Variants in DOCK1 observed in about 807,000 individuals in gnomAD.
The protein encoded by DOCK1 is dedicator of cytokinesis protein 1.
DOCK1 carries 138 observed loss-of-function variants against 262.7 expected under a neutral mutation model. The observed-to-expected ratio is 0.53, with a 90% confidence interval of 0.46 to 0.61. The LOEUF is 0.61. Ranked by LOEUF, DOCK1 falls within the 20% of genes least tolerant of loss-of-function variation. DOCK1 has a pLI of 0.00. For synonymous variants in DOCK1, 866 were observed against 867.4 expected, an observed-to-expected ratio of 1.00 and a Z score of 0.03; for missense variants, 1,908 against 2,370.7, an observed-to-expected ratio of 0.80 and a Z score of 4.05.
intron 19 of DOCK1, among the ~76,000 whole-genome samples, chr10:127,040,677 A>T (rs2043958593): frequency 6.6e-6 from 1 of 152,174 alleles, no homozygotes; most frequent in Admixed American, 6.5e-5. Context: ...GTCCAGGAGG[A>T]ATCTGAACCA....
chr10:126,960,745 T>TATATATATATATATATATATACACAC (rs1429186588), intron 1 of DOCK1, among the ~76,000 whole-genome samples: 1 of 115,500 alleles, frequency 8.7e-6, no homozygotes. Context: ...TATATATATA[T>TATATATATATATATATATATACACAC]ACACACACAC....
At chr10:127,076,760 C>T (rs1372739039) in intron 23 of DOCK1, among the ~76,000 whole-genome samples, 1 of 152,190 alleles carries the variant, frequency 6.6e-6, no homozygotes, top group Non-Finnish European at 1.5e-5. Flanking sequence ...GCCTCAGCCC[C>T]ATCTCTGCCC....
chr10:127,444,498 AG>A (rs1332344083), intron 50 of DOCK1, among the ~76,000 whole-genome samples: 3 of 152,004 alleles, frequency 2.0e-5, no homozygotes, highest in Non-Finnish European at 4.4e-5. Flanking sequence ...CCAGCACTGG[AG>A]GGGCAGAAAG....
chr10:126,928,106 C>T (rs2033902858), intron 1 of DOCK1, among the ~76,000 whole-genome samples: 3 of 152,180 alleles, frequency 2.0e-5, no homozygotes, highest in Non-Finnish European at 2.9e-5. Flanking sequence ...CCTCGTGTCG[C>T]TCGTTGGAGA....
At chr10:127,345,848 G>T (rs955044045) in intron 31 of DOCK1, among the ~76,000 whole-genome samples, 2 of 152,214 alleles carry the variant, frequency 1.3e-5, no homozygotes. Context: ...GGGGAAGGGA[G>T]GGATGGTGCT....
At chr10:126,972,336 A>G (rs2038178218) in intron 2 of DOCK1, among the ~76,000 whole-genome samples, 1 of 152,198 alleles carries the variant, frequency 6.6e-6, no homozygotes, top group Admixed American at 6.5e-5. Flanking sequence ...TGAGCATGCC[A>G]TATTTCATTT....
intron 33 of DOCK1, among the ~76,000 whole-genome samples, chr10:127,363,205 A>G (rs2133951471): frequency 6.6e-6 from 1 of 152,248 alleles, no homozygotes; most frequent in East Asian, 1.9e-4. Flanking sequence ...ATTGAAAGAT[A>G]CCTTTTAAAA....
At chr10:127,172,416 CTG>C (rs2054659052) in intron 27 of DOCK1, among the ~76,000 whole-genome samples, 1 of 152,178 alleles carries the variant, frequency 6.6e-6, no homozygotes, top group African/African-American at 2.4e-5. Flanking sequence ...TCCTGGGACT[CTG>C]TGCTGTACCC....
intron 31 of DOCK1, among the ~76,000 whole-genome samples, chr10:127,350,537 C>A (rs765450479): frequency 3.9e-5 from 6 of 152,340 alleles, no homozygotes; most frequent in Non-Finnish European, 5.9e-5. Context: ...CCCACTGTTA[C>A]ATTTTCTCAC....
intron 1 of DOCK1, among the ~76,000 whole-genome samples, chr10:126,916,521 G>A (rs1005842247): frequency 1.3e-5 from 2 of 152,150 alleles, no homozygotes; most frequent in Admixed American, 6.5e-5. Context: ...GTATAGAGAC[G>A]AATGGTGATG....
chr10:127,296,213 G>T (rs1167289686), intron 29 of DOCK1, among the ~76,000 whole-genome samples: 1 of 152,196 alleles, frequency 6.6e-6, no homozygotes, highest in African/African-American at 2.4e-5. Context: ...TATCGAAGCA[G>T]GTCAGCCCGT....
At chr10:127,010,824 G>A (rs1342600125) in intron 11 of DOCK1, among the ~76,000 whole-genome samples, 3 of 152,218 alleles carry the variant, frequency 2.0e-5, no homozygotes, top group Non-Finnish European at 4.4e-5. Context: ...GCAGCCCCCT[G>A]CTGTTTTGAA....
intron 38 of DOCK1, among the ~76,000 whole-genome samples, chr10:127,401,037 G>A (rs1159276404): frequency 6.6e-6 from 1 of 152,036 alleles, no homozygotes; most frequent in African/African-American, 2.4e-5. Flanking sequence ...TTTTTTGCAT[G>A]TCTGACACCT....
rs755569251 is a variant in DOCK1 at position 127,026,405 on chromosome 10, C to T, written c.1605C>T (p.Arg535=). ...GCAGTCACCTTCGGTTTACCTTCCG[C>T]CACAGGTCATCACAGGACTGTGAGT... The part of the protein sequence containing the change: ...VNRSHLRFTF[R]HRSSQDSKDK... Residue 535 remains arginine (R), a synonymous_variant, in exon 16 of 52, where the codon CGC becomes CGT. Coordinates refer to ENST00000623213, the MANE Select transcript of DOCK1 (RefSeq NM_001290223.2). 34 of 1,579,898 alleles carry T rather than the reference C, an allele frequency of 2.2e-5. No individual in the cohort carries two copies. Among genetic ancestry groups the T allele is most frequent in the Non-Finnish European group, 2.9e-5 (34 of 1,161,606 alleles).
intron 27 of DOCK1, among the ~76,000 whole-genome samples, chr10:127,166,106 C>T (rs1484781647): frequency 2.6e-5 from 4 of 152,004 alleles, no homozygotes; most frequent in South Asian, 2.1e-4. Flanking sequence ...CGCTCTGTAG[C>T]GTAGGCTGGA....
At chr10:127,427,156 C>T (rs767664273) in intron 47 of DOCK1, among the ~76,000 whole-genome samples, 1 of 152,210 alleles carries the variant, frequency 6.6e-6, no homozygotes, top group Non-Finnish European at 1.5e-5. Context: ...GAGCTCTCTT[C>T]TGTCTACTGG....
intron 27 of DOCK1, among the ~76,000 whole-genome samples, chr10:127,183,156 T>C (rs2055898914): frequency 6.6e-6 from 1 of 151,414 alleles, no homozygotes; most frequent in African/African-American, 2.4e-5. Context: ...ACATTGATTT[T>C]TTCCCCCCTA....
chr10:127,091,714 A>G (rs2047544638), intron 23 of DOCK1, among the ~76,000 whole-genome samples: 3 of 152,226 alleles, frequency 2.0e-5, no homozygotes, highest in Admixed American at 6.5e-5. Flanking sequence ...AGCGTGTCAA[A>G]ATGCAGCATT....
Position 127,043,152 on chromosome 10 carries a change from C to T in DOCK1, c.2189C>T (p.Thr730Met), listed in dbSNP as rs753252079. Residue 730 changes from threonine (T) to methionine (M), a missense_variant, in exon 21 of 52, where the codon ACG (threonine) becomes ATG (methionine). Around this residue, in one of 9 missense-constraint regions of DOCK1, gnomAD observed 294 missense variants for 439.9 expected, o/e 0.67. Transcript: ENST00000623213. ...ETYIKKHFSA[T>M]LAYTKLTKVL... is the part of the protein sequence containing the mutation. Reference sequence around the variant, plus strand: ...TACATTAAGAAACACTTTAGTGCAACGTTAGCCTACACGTAAGTTCCTACT... The same window carrying T: ...TACATTAAGAAACACTTTAGTGCAATGTTAGCCTACACGTAAGTTCCTACT... The T allele has an allele frequency of 1.2e-6, 2 of 1,607,492 alleles. No individual in the cohort carries two copies. Among genetic ancestry groups the T allele is most frequent in the Non-Finnish European group, 8.5e-7 (1 of 1,176,632 alleles).
Sources: gnomAD v4.1 joint callset for allele counts (sites outside exome capture counted in the v4.1 genomes callset) on GRCh38, gnomAD v4.1.1 for gene constraint, gnomAD v4.1.1 regional missense constraint, MANE v1.5 for transcripts, NCBI Gene and HGNC (gene_info 2026-07-23, HGNC 2026-07-21) for gene names.